The following SORCS2 variants were observed in gnomAD, a reference collection of about 807,000 sequenced individuals.
The protein encoded by SORCS2 is sortilin related VPS10 domain containing receptor 2.
Under a neutral mutation model 141.6 loss-of-function variants are expected in SORCS2, and 100 were observed. The observed-to-expected ratio is 0.71, with a 90% CI of 0.60 to 0.83. SORCS2 has a LOEUF of 0.83. Among genes scored for constraint, SORCS2 ranks in the 40% least tolerant of loss-of-function variants. The probability of loss-of-function intolerance (pLI) is 0.00; values close to 1 mark genes in which losing one functional copy is unlikely to be tolerated. For synonymous variants in SORCS2, 789 were observed against 676.9 expected (o/e 1.17, Z -2.57); for missense variants, 1,646 against 1,560.2 (o/e 1.05, Z -0.93).
In SORCS2 at chr4:7,522,267, G is replaced by A. The variant is rs553192634; in HGVS notation, c.549-9263G>A. On this transcript the variant is annotated intron_variant, in intron 2 of 26. Coordinates refer to ENST00000507866, the MANE Select transcript of SORCS2 (RefSeq NM_020777.3). ...GGGTGGGCACTGCACATACGTCCCC[G>A]CCAATGGAGTAATTATAGGGGAGGA... Among the ~76,000 whole-genome samples, 3 of 152,264 alleles carry A rather than the reference G, an allele frequency of 2.0e-5. No homozygotes were observed. The East Asian group carries it at 5.8e-4, about 29-fold the overall frequency.
intron 2 of SORCS2, among the ~76,000 whole-genome samples, chr4:7,475,855 C>T (rs1038779927): frequency 1.3e-5 from 2 of 152,248 alleles, no homozygotes; most frequent in Non-Finnish European, 2.9e-5. Context: ...GCCAGGCCTC[C>T]ATCATCTGAA....
At chr4:7,557,531 T>C (rs1211954118) in intron 3 of SORCS2, among the ~76,000 whole-genome samples, 1 of 152,236 alleles carries the variant, frequency 6.6e-6, no homozygotes, top group Non-Finnish European at 1.5e-5. Flanking sequence ...TAGAGATGAA[T>C]AACCAACTAT....
chr4:7,325,917 TAC>T (rs769217892), intron 1 of SORCS2, among the ~76,000 whole-genome samples: 8,285 of 152,002 alleles, frequency 0.055, 344 homozygotes, highest in East Asian at 0.22. Flanking sequence ...GGGGGGTTGG[TAC>T]GCGGTACAGG....
At chr4:7,634,668 C>A (rs1203233282) in intron 3 of SORCS2, among the ~76,000 whole-genome samples, 1 of 152,180 alleles carries the variant, frequency 6.6e-6, no homozygotes, top group African/African-American at 2.4e-5. Flanking sequence ...GTAACTCCCA[C>A]ACCCCTCAAG....
intron 11 of SORCS2, among the ~76,000 whole-genome samples, chr4:7,692,263 C>A (rs1724305260): frequency 6.6e-6 from 1 of 152,178 alleles, no homozygotes; most frequent in Non-Finnish European, 1.5e-5. Flanking sequence ...CTGGAGGTGG[C>A]TGGGGATGAT....
At position 7,194,911 on chromosome 4, in the gene SORCS2, T is replaced by C. The variant is rs114289485; in HGVS notation, c.480+1785T>C. ...GAAGCTTGCTCCTGCCCCTTTGTCA[T>C]TTAGCTTCCTGGGGAGGGGGTAGAG... On this transcript the variant is annotated intron_variant, in intron 1 of 26. Transcript: ENST00000507866. Among the ~76,000 whole-genome samples, 599 of 152,186 alleles carry C rather than the reference T, an allele frequency of 3.9e-3. 2 individuals are homozygous for C. The highest frequency in any genetic ancestry group is 0.013 in the African/African-American group (553 of 41,530).
intron 3 of SORCS2, among the ~76,000 whole-genome samples, chr4:7,632,562 G>A (rs1295849925): frequency 6.6e-6 from 1 of 152,202 alleles, no homozygotes; most frequent in Non-Finnish European, 1.5e-5. Context: ...GCCCCAGGTT[G>A]TAATCATTTC....
chr4:7,207,535 A>C (rs908615290), intron 1 of SORCS2, among the ~76,000 whole-genome samples: 1 of 152,172 alleles, frequency 6.6e-6, no homozygotes, highest in African/African-American at 2.4e-5. Context: ...CCAGTCCTCC[A>C]GGCCTGGGTT....
chr4:7,362,537 C>T (rs943839052), intron 1 of SORCS2, among the ~76,000 whole-genome samples: 1 of 152,156 alleles, frequency 6.6e-6, no homozygotes, highest in African/African-American at 2.4e-5. Context: ...GGACCAGTGC[C>T]CAGGCTACTG....
chr4:7,243,123 A>G (rs374493871), intron 1 of SORCS2, among the ~76,000 whole-genome samples: 3 of 152,068 alleles, frequency 2.0e-5, no homozygotes, highest in Admixed American at 2.0e-4. Flanking sequence ...GAGGGATCTG[A>G]GTTCCCCCTC....
chr4:7,467,088 A>G (rs4234814), intron 2 of SORCS2, among the ~76,000 whole-genome samples: 140,860 of 152,180 alleles, frequency 0.93, 65,398 homozygotes, highest in African/African-American at 0.97. Flanking sequence ...AGCATCTAAA[A>G]CTCCCACCAC....
At chr4:7,490,022 T>G (rs914011914) in intron 2 of SORCS2, among the ~76,000 whole-genome samples, 9 of 152,112 alleles carry the variant, frequency 5.9e-5, no homozygotes, top group Admixed American at 1.3e-4. Context: ...TAGAAAGATC[T>G]CCAGACAACA....
intron 2 of SORCS2, chr4:7,434,833 C>G (rs766713253): frequency 6.3e-7 from 1 of 1,595,614 alleles, no homozygotes; most frequent in South Asian, 1.1e-5. Context: ...GGGGCTGGCC[C>G]TGGTGGCCCC....
At chr4:7,575,876 G>A (rs1389905018) in intron 3 of SORCS2, among the ~76,000 whole-genome samples, 4 of 152,314 alleles carry the variant, frequency 2.6e-5, no homozygotes, top group Non-Finnish European at 5.9e-5. Context: ...TGTAGTGGGC[G>A]AAGGAAGGTG....
chr4:7,387,611 A>C (rs1723486453), intron 1 of SORCS2, among the ~76,000 whole-genome samples: 1 of 123,182 alleles, frequency 8.1e-6, no homozygotes. Context: ...ACGCACATGC[A>C]CACACATACA....
At chr4:7,722,712 G>T (rs1036956564) in intron 18 of SORCS2, among the ~76,000 whole-genome samples, 7 of 152,204 alleles carry the variant, frequency 4.6e-5, no homozygotes, top group African/African-American at 1.7e-4. Flanking sequence ...TCCAAATGAG[G>T]TCACATTCTG....
At chr4:7,483,707 C>G (rs1730798958) in intron 2 of SORCS2, among the ~76,000 whole-genome samples, 1 of 151,912 alleles carries the variant, frequency 6.6e-6, no homozygotes, top group Non-Finnish European at 1.5e-5. Context: ...TGTTTCCGTA[C>G]CCTCTTGGGA....
chr4:7,425,316 C>T (rs561862420), intron 2 of SORCS2, among the ~76,000 whole-genome samples: 4 of 152,318 alleles, frequency 2.6e-5, no homozygotes, highest in East Asian at 3.9e-4. Flanking sequence ...TCTCCACAGC[C>T]GCAGCCTGGG....
At chr4:7,658,780 C>T (rs1183301067) in intron 5 of SORCS2, among the ~76,000 whole-genome samples, 1 of 152,182 alleles carries the variant, frequency 6.6e-6, no homozygotes, top group Non-Finnish European at 1.5e-5. Flanking sequence ...ATCCTGGTGC[C>T]AGGCAGGTTG....
Sources: allele counts gnomAD v4.1 joint callset (sites outside exome capture counted in the v4.1 genomes callset), GRCh38; gene constraint gnomAD v4.1.1; transcripts MANE v1.5; gene names NCBI Gene and HGNC (gene_info 2026-07-23, HGNC 2026-07-21).